Variants in ATP1A3 observed in about 807,000 individuals in gnomAD.
ATP1A3 encodes the protein sodium/potassium-transporting ATPase subunit alpha-3.
A neutral mutation model predicts 108.8 loss-of-function variants in ATP1A3; 12 were observed. That is an observed-to-expected ratio of 0.11 (90% CI 0.07 to 0.18). ATP1A3 has a LOEUF of 0.18. Among genes scored for constraint, ATP1A3 ranks in the 10% least tolerant of loss-of-function variants. ATP1A3 has a pLI of 1.00. For synonymous variants in ATP1A3, 539 were observed against 564.5 expected, an observed-to-expected ratio of 0.95 and a Z score of 0.64; for missense variants, 498 against 1,387.7, an observed-to-expected ratio of 0.36 and a Z score of 10.19.
At chr19:41,982,372 T>A (rs1374438578) in intron 8 of ATP1A3, among the ~76,000 whole-genome samples, 2 of 152,104 alleles carry the variant, frequency 1.3e-5, no homozygotes, top group Non-Finnish European at 2.9e-5. Context: ...ACGCCTGTAA[T>A]CCCAGCACTT....
At chr19:41,990,824 CCTCT>C (rs558527526) in intron 1 of ATP1A3, 2 of 151,876 alleles carry the variant, frequency 1.3e-5, no homozygotes, top group African/African-American at 4.8e-5. Flanking sequence ...TCTGAGATCT[CCTCT>C]CTCTGTCTCT....
rs2075063049 is a variant in ATP1A3, at chr19:41,968,031, G to A, written c.2820-268C>T. On this transcript the variant is annotated intron_variant, in intron 20 of 22. Coordinates refer to ENST00000648268, the MANE Select transcript of ATP1A3 (RefSeq NM_152296.5). This position sits in a 1 kb window ranked among gnomAD's most constrained non-coding sequence, Gnocchi z 5.0. ...AGGGACAGACACAGAGACAGACAGG[G>A]ACAGACAGAGAGACAGACACAGGGA... 1.3e-5 allele frequency among the ~76,000 whole-genome samples: 1 copy of A among 79,286 alleles called. No individual in the cohort carries two copies. Among genetic ancestry groups the A allele is most frequent in the Non-Finnish European group, 2.5e-5 (1 of 40,014 alleles). 52.0% of individuals were successfully genotyped at this position (79,286 alleles called of 152,430 possible). A position where few individuals can be genotyped will look rare whatever the true frequency, so the allele number is the denominator to read the frequency against.
Position 41,978,211 on chromosome 19 carries a change from G to A in ATP1A3, c.1746C>T (p.Ile582=), listed in dbSNP as rs781992944. 1.1e-5 allele frequency: 18 copies of A among 1,614,076 alleles called. No individual in the cohort carries two copies. Among genetic ancestry groups the A allele is most frequent in the Admixed American group, 3.3e-5 (2 of 59,996 alleles). Residue 582 remains isoleucine, a synonymous_variant, in exon 13 of 23, where the codon ATC becomes ATT. Coordinates refer to ENST00000648268, the MANE Select transcript of ATP1A3 (RefSeq NM_152296.5). The surrounding 1 kb of genome is among the most constrained non-coding windows in gnomAD (Gnocchi z 8.3). ...NLCFVGLMSM[I]DPPRAAVPDA... The stretch of plus-strand genomic sequence containing the variant: ...CAGGGACGGCTGCCCGGGGTGGGTC[G>A]ATCATGGACATGAGGCCCACAAAGC...
rs2145944130 is a variant in ATP1A3 at position 41,968,566 on chromosome 19, C to T, written c.2819+219G>A. On this transcript the variant is annotated intron_variant, in intron 20 of 22. Transcript: ENST00000648268. This position sits in a 1 kb window ranked among gnomAD's most constrained non-coding sequence, Gnocchi z 5.0. ...TGGTGCACACCTGTAGTCTCAGCTA[C>T]TCAGGAGGCTGAGGTGGGTGGGTCA... Among the ~76,000 whole-genome samples the T allele has an allele frequency of 6.6e-6, 1 of 152,234 alleles. No homozygotes were observed.
Position 41,986,102 on chromosome 19 carries a change from T to C in ATP1A3, c.471+14A>G. 1 of 1,614,162 alleles carries C rather than the reference T, an allele frequency of 6.2e-7. No individual in the cohort carries two copies. Among genetic ancestry groups the C allele is most frequent in the Non-Finnish European group, 8.5e-7 (1 of 1,179,998 alleles). On this transcript the variant is annotated intron_variant, in intron 5 of 22. Coordinates refer to ENST00000648268, the MANE Select transcript of ATP1A3 (RefSeq NM_152296.5). ...CTAACACCCCCGTCTGGCCCCTTGC[T>C]GGGCACCCTTCACCTGGGGCACCAT...
At position 41,968,691 on chromosome 19, in the gene ATP1A3, A is replaced by C; in HGVS notation, c.2819+94T>G. On this transcript the variant is annotated intron_variant, in intron 20 of 22. Transcript: ENST00000648268. The surrounding 1 kb of genome is among the most constrained non-coding windows in gnomAD (Gnocchi z 5.0). ...ACCCTGCCTCAACAAAACAACAAAAAACCAAAGCAAGGACACAAGAGGAAG... is the reference window on the plus strand; with the variant it reads ...ACCCTGCCTCAACAAAACAACAAAACACCAAAGCAAGGACACAAGAGGAAG... 6.3e-7 allele frequency: 1 copy of C among 1,585,180 alleles called. No homozygotes were observed. The highest frequency in any genetic ancestry group is 1.1e-5 in the South Asian group (1 of 89,734).
chr19:41,994,039 C>G, intron 1 of ATP1A3, 32 bp downstream of exon 1: 1 of 1,609,246 alleles, frequency 6.2e-7, no homozygotes, highest in Non-Finnish European at 8.5e-7. Flanking sequence ...CAATGTCACA[C>G]GGAAGCGGCG....
Position 41,985,778 on chromosome 19 carries a change from C to A in ATP1A3, c.606+86G>T. On this transcript the variant is annotated intron_variant, in intron 6 of 22. Transcript: ENST00000648268. The surrounding 1 kb of genome is among the most constrained non-coding windows in gnomAD (Gnocchi z 8.2). ...GAGGGAGGAGGGGTTGGGACCTGGA[C>A]TCCTGAGTGTGAGGGAGGAGGGGCT... is the stretch of plus-strand genomic sequence containing the variant. 3 of 1,580,336 alleles carry A rather than the reference C, an allele frequency of 1.9e-6. No homozygotes were observed. Among genetic ancestry groups the A allele is most frequent in the South Asian group, 1.1e-5 (1 of 87,984 alleles).
Position 41,988,460 on chromosome 19 carries a change from A to AGAGG in ATP1A3, c.93+12_93+15dup, listed in dbSNP as rs781816839. ...AGGTTCTCTGGGAGGGTGTGCGGGC[A>AGAGG]GAGGGCGAGGCTTACCATAGCCACC... On this transcript the variant is annotated intron_variant, in intron 2 of 22. Transcript: ENST00000648268. The surrounding 1 kb of genome is among the most constrained non-coding windows in gnomAD (Gnocchi z 5.3). 6 of 1,614,212 alleles carry AGAGG rather than the reference A, an allele frequency of 3.7e-6. No individual in the cohort carries two copies. Among genetic ancestry groups the AGAGG allele is most frequent in the Non-Finnish European group, 4.2e-6 (5 of 1,180,034 alleles).
intron 1 of ATP1A3, among the ~76,000 whole-genome samples, chr19:41,989,466 C>T (rs1255989403): frequency 2.0e-5 from 3 of 151,806 alleles, no homozygotes; most frequent in African/African-American, 7.3e-5. Flanking sequence ...CTACAGGCGC[C>T]CGCCACTACG....
Position 41,966,898 on chromosome 19 carries a change from G to C in ATP1A3, c.*39C>G, listed in dbSNP as rs919390. 0.66 allele frequency: 1,021,586 copies of C among 1,550,440 alleles called. 338,434 individuals carry two copies. The highest frequency in any genetic ancestry group is 0.82 in the East Asian group (33,353 of 40,892). On this transcript the variant is annotated 3_prime_UTR_variant, in exon 23 of 23. Coordinates refer to ENST00000648268, the MANE Select transcript of ATP1A3 (RefSeq NM_152296.5). ...ACTGACAGGGGCGGTCCTGGGCCTG[G>C]GGGACGGGGAAGAGATGGGCGATGT...
In ATP1A3 at chr19:41,978,972, G is replaced by T. The variant is rs191925418; in HGVS notation, c.1438-174C>A. ...TCCTGTCCGCTCTGTCTATGTCATGGATATATATTTCTTTTTCTTTTTCTT... is the reference window on the plus strand; with the variant it reads ...TCCTGTCCGCTCTGTCTATGTCATGTATATATATTTCTTTTTCTTTTTCTT... On this transcript the variant is annotated intron_variant, in intron 11 of 22. Coordinates refer to ENST00000648268, the MANE Select transcript of ATP1A3 (RefSeq NM_152296.5). This position sits in a 1 kb window ranked among gnomAD's most constrained non-coding sequence, Gnocchi z 8.3. Among the ~76,000 whole-genome samples, 103 of 152,112 alleles carry T rather than the reference G, an allele frequency of 6.8e-4. No homozygotes were observed. Among genetic ancestry groups the T allele is most frequent in the African/African-American group, 2.4e-3 (100 of 41,530 alleles).
chr19:41,974,235 A>G (rs2075142560), intron 16 of ATP1A3, among the ~76,000 whole-genome samples: 1 of 151,930 alleles, frequency 6.6e-6, no homozygotes, highest in Non-Finnish European at 1.5e-5. Flanking sequence ...TGTCTCAAAA[A>G]AAAAGAAAGA....
chr19:41,987,912 A>G, intron 4 of ATP1A3, 24 bp downstream of exon 4: 1 of 1,612,078 alleles, frequency 6.2e-7, no homozygotes, highest in Non-Finnish European at 8.5e-7. Flanking sequence ...AGAGCCTTGC[A>G]CAGGGCAGGG....
intron 1 of ATP1A3, among the ~76,000 whole-genome samples, chr19:41,991,645 A>G (rs2075339496): frequency 6.6e-6 from 1 of 152,046 alleles, no homozygotes; most frequent in Admixed American, 6.5e-5. Flanking sequence ...CCACCCAGAA[A>G]CCTTAGTTGA....
chr19:41,977,631 G>A (rs756917043), intron 14 of ATP1A3, among the ~76,000 whole-genome samples: 82 of 152,248 alleles, frequency 5.4e-4, no homozygotes, highest in Middle Eastern at 3.4e-3. Context: ...CCCGGGAGGC[G>A]GAGGCTGCAG....
chr19:41,969,390 G>T, intron 19 of ATP1A3, 45 bp downstream of exon 19: 2 of 1,613,766 alleles, frequency 1.2e-6, no homozygotes, highest in South Asian at 2.2e-5. Context: ...AGCTCACCCC[G>T]GGGATCTTAC....
rs2145939943 is a variant in ATP1A3, at chr19:41,966,807, G to A, written c.*130C>T. ...TGGGGGCGGCAGGAGATAGTGGAGG[G>A]GGTGGGGGCCAAGGTGGGGCCACAG... On this transcript the variant is annotated 3_prime_UTR_variant, in exon 23 of 23. Coordinates refer to ENST00000648268, the MANE Select transcript of ATP1A3 (RefSeq NM_152296.5). 2.0e-6 allele frequency: 3 copies of A among 1,537,016 alleles called. No homozygotes were observed. The highest frequency in any genetic ancestry group is 2.6e-6 in the Non-Finnish European group (3 of 1,137,292).
At position 41,966,966 on chromosome 19, in the gene ATP1A3, C is replaced by T; in HGVS notation, c.3014-1G>A. On this transcript the variant is annotated splice_acceptor_variant, in intron 22 of 22. Coordinates refer to ENST00000648268, the MANE Select transcript of ATP1A3 (RefSeq NM_152296.5). LOFTEE classifies it high-confidence loss of function. ...TAGTAGGTTTCCTTCTCCACCCAAC[C>T]TGGAGAGACAAAGAAGGAAAGAAAG... is the stretch of plus-strand genomic sequence containing the variant. 1 of 1,551,312 alleles carries T rather than the reference C, an allele frequency of 6.4e-7. No individual in the cohort carries two copies. Among genetic ancestry groups the T allele is most frequent in the Non-Finnish European group, 8.7e-7 (1 of 1,146,950 alleles).
Sources: allele counts gnomAD v4.1 joint callset (sites outside exome capture counted in the v4.1 genomes callset), GRCh38; gene constraint gnomAD v4.1.1; non-coding constraint Gnocchi (gnomAD v3.1); transcripts MANE v1.5; gene names NCBI Gene and HGNC (gene_info 2026-07-23, HGNC 2026-07-21).